The following SLC24A2 variants were observed in gnomAD, a reference collection of about 807,000 sequenced individuals.
The protein encoded by SLC24A2 is solute carrier family 24 member 2, also known as sodium/potassium/calcium exchanger 2.
In SLC24A2, 36 loss-of-function variants were observed where a neutral mutation model predicts 62.0. That is an observed-to-expected ratio of 0.58 (90% CI 0.44 to 0.77). The LOEUF (loss-of-function observed/expected upper bound fraction) is 0.77, where lower values mean the gene tolerates loss of function less well. SLC24A2 is among the 30% of genes least tolerant of loss of function. The probability of loss-of-function intolerance (pLI) is 0.00; values close to 1 mark genes in which losing one functional copy is unlikely to be tolerated. For synonymous variants in SLC24A2, 358 were observed against 294.0 expected (o/e 1.22, Z -2.23); for missense variants, 846 against 817.9 (o/e 1.03, Z -0.42).
At chr9:19,584,287 AAAAAAAC>A (rs1287825457) in intron 5 of SLC24A2, among the ~76,000 whole-genome samples, 17 of 144,830 alleles carry the variant, frequency 1.2e-4, no homozygotes, top group South Asian at 4.8e-4. Flanking sequence ...AAAAAAAAAA[AAAAAAAC>A]AAACAAAAAA....
the SLC24A2 span, among the ~76,000 whole-genome samples, chr9:20,221,144 T>A: frequency 2.0e-5 from 3 of 152,056 alleles, no homozygotes; most frequent in Non-Finnish European, 4.4e-5. Context: ...AAACATTTTT[T>A]AAAGATATCA....
intron 2 of SLC24A2, among the ~76,000 whole-genome samples, chr9:19,719,347 T>C (rs1820956632): frequency 1.3e-5 from 2 of 152,208 alleles, no homozygotes; most frequent in African/African-American, 4.8e-5. Context: ...CTGGTTGTAA[T>C]TTCTTTAGCA....
chr9:20,250,741 G>T, the SLC24A2 span, among the ~76,000 whole-genome samples: 1 of 152,048 alleles, frequency 6.6e-6, no homozygotes, highest in Non-Finnish European at 1.5e-5. Flanking sequence ...TTAAAAAAAA[G>T]AAAGAGAAAT....
At chr9:19,709,762 T>TG (rs56798095) in intron 2 of SLC24A2, among the ~76,000 whole-genome samples, 2 of 59,342 alleles carry the variant, frequency 3.4e-5, no homozygotes, top group Non-Finnish European at 6.1e-5. Flanking sequence ...GTGTGGGGGG[T>TG]GGGGGGAGGG....
At chr9:20,228,654 C>T in the SLC24A2 span, among the ~76,000 whole-genome samples, 86,096 of 151,816 alleles carry the variant, frequency 0.57, 27,353 homozygotes, top group Non-Finnish European at 0.73. Flanking sequence ...TGTCTCTGAT[C>T]CAGGAAGAGG....
chr9:19,623,847 A>G (rs1310887512), intron 2 of SLC24A2, among the ~76,000 whole-genome samples: 2 of 152,218 alleles, frequency 1.3e-5, no homozygotes, highest in Non-Finnish European at 2.9e-5. Context: ...AGTCTCAGAC[A>G]TAGACAGAAG....
chr9:19,677,077 T>G (rs1404355264), intron 2 of SLC24A2, among the ~76,000 whole-genome samples: 3 of 152,254 alleles, frequency 2.0e-5, no homozygotes, highest in Non-Finnish European at 4.4e-5. Context: ...ATCCCATTAC[T>G]GGGTATATAC....
At chr9:20,114,499 T>C in the SLC24A2 span, among the ~76,000 whole-genome samples, 1 of 152,064 alleles carries the variant, frequency 6.6e-6, no homozygotes, top group Non-Finnish European at 1.5e-5. Flanking sequence ...TATTTTCTTA[T>C]AAATGAAATA....
At chr9:19,984,156 G>C in the SLC24A2 span, among the ~76,000 whole-genome samples, 1 of 152,028 alleles carries the variant, frequency 6.6e-6, no homozygotes, top group African/African-American at 2.4e-5. Flanking sequence ...TGCTAAGATG[G>C]AATACTACCC....
chr9:19,996,503 G>A, the SLC24A2 span, among the ~76,000 whole-genome samples: 2 of 152,128 alleles, frequency 1.3e-5, no homozygotes, highest in African/African-American at 2.4e-5. Context: ...ACTTTGGGAG[G>A]CTGAGGTGCG....
chr9:19,984,437 G>C, the SLC24A2 span, among the ~76,000 whole-genome samples: 1 of 152,186 alleles, frequency 6.6e-6, no homozygotes, highest in Non-Finnish European at 1.5e-5. Flanking sequence ...CAGGCACGGT[G>C]GCTCACACCT....
intron 2 of SLC24A2, among the ~76,000 whole-genome samples, chr9:19,685,966 A>T (rs1819868712): frequency 6.6e-6 from 1 of 152,174 alleles, no homozygotes; most frequent in Admixed American, 6.5e-5. Flanking sequence ...ACACACTATC[A>T]ACAGAGTAAA....
At chr9:19,990,922 GAT>G in the SLC24A2 span, among the ~76,000 whole-genome samples, 58 of 120,692 alleles carry the variant, frequency 4.8e-4, no homozygotes, top group African/African-American at 8.7e-4. Context: ...GGACTAATAG[GAT>G]ATATATATAT....
the SLC24A2 span, among the ~76,000 whole-genome samples, chr9:19,855,944 T>G: frequency 6.6e-6 from 1 of 152,208 alleles, no homozygotes; most frequent in African/African-American, 2.4e-5. Flanking sequence ...GGTTTGGTCT[T>G]TTTACATAAT....
chr9:19,851,008 C>T, the SLC24A2 span, among the ~76,000 whole-genome samples: 1,482 of 31,040 alleles, frequency 0.048, 81 homozygotes, highest in African/African-American at 0.061. Context: ...TATACACATA[C>T]ATATATATAT....
At chr9:20,230,806 C>A in the SLC24A2 span, among the ~76,000 whole-genome samples, 7 of 152,130 alleles carry the variant, frequency 4.6e-5, no homozygotes, top group African/African-American at 1.7e-4. Context: ...GAAGTCCTTG[C>A]CCATGCCTAT....
the SLC24A2 span, among the ~76,000 whole-genome samples, chr9:20,047,584 G>C: frequency 1.4e-5 from 2 of 141,390 alleles, no homozygotes; most frequent in Non-Finnish European, 3.2e-5. Flanking sequence ...CCCTCCATGA[G>C]GAAGTGGGCC....
chr9:20,302,717 A>C, the SLC24A2 span, among the ~76,000 whole-genome samples: 1 of 152,170 alleles, frequency 6.6e-6, no homozygotes, highest in African/African-American at 2.4e-5. Context: ...ACAGAGCAGA[A>C]GTTTTTAATT....
At chr9:19,554,018 T>C (rs931726903) in intron 7 of SLC24A2, among the ~76,000 whole-genome samples, 2 of 152,178 alleles carry the variant, frequency 1.3e-5, no homozygotes, top group Admixed American at 6.6e-5. Context: ...ATGTGACTTA[T>C]TTGGAGATAG....
Sources: gnomAD v4.1 joint callset for allele counts (sites outside exome capture counted in the v4.1 genomes callset) on GRCh38, gnomAD v4.1.1 for gene constraint, MANE v1.5 for transcripts, NCBI Gene and HGNC (gene_info 2026-07-23, HGNC 2026-07-21) for gene names.